Variants in BAZ2B observed in about 807,000 individuals in gnomAD.
The protein encoded by BAZ2B is bromodomain adjacent to zinc finger domain 2B, also known as bromodomain adjacent to zinc finger domain protein 2B.
BAZ2B carries 91 observed loss-of-function variants against 246.0 expected under a neutral mutation model. The ratio of observed to expected loss-of-function variants is 0.37; its 90% CI spans 0.31 to 0.44. The LOEUF (loss-of-function observed/expected upper bound fraction) is 0.44, where lower values mean the gene tolerates loss of function less well. BAZ2B is among the 20% of genes least tolerant of loss of function. The probability of loss-of-function intolerance (pLI) is 1.00; values close to 1 mark genes in which losing one functional copy is unlikely to be tolerated. For synonymous variants in BAZ2B, 855 were observed against 860.0 expected, an observed-to-expected ratio of 0.99 and a Z score of 0.10; for missense variants, 2,332 against 2,533.7, an observed-to-expected ratio of 0.92 and a Z score of 1.71.
chr2:159,414,245 A>G (rs2067274912), intron 13 of BAZ2B, among the ~76,000 whole-genome samples: 1 of 152,180 alleles, frequency 6.6e-6, no homozygotes, highest in East Asian at 1.9e-4. Context: ...TAGAGAGCAG[A>G]ATGATAGTTA....
In BAZ2B at chr2:159,325,757, T is replaced by C. The variant is rs1411391041; in HGVS notation, c.6105A>G (p.Lys2035=). The C allele has an allele frequency of 6.3e-7, 1 of 1,599,808 alleles. No homozygotes were observed. Among genetic ancestry groups the C allele is most frequent in the Admixed American group, 1.8e-5 (1 of 55,904 alleles). ...SLKRGNKDLK[K]RKMEENTSIN... is the part of the protein sequence containing the mutation. ...TAGAAGTGTTTTCCTCCATTTTTCT[T>C]TTCTTGAGGTCTTTGTTTCCTCTTT... Residue 2035 remains lysine, a synonymous_variant, in exon 35 of 37, where the codon AAA becomes AAG. Transcript: ENST00000392783.
chr2:159,694,274 G>A, the BAZ2B span: 3 of 152,080 alleles, frequency 2.0e-5, no homozygotes, highest in African/African-American at 7.2e-5. Context: ...TTTTGACTGT[G>A]GACTTCTAGA....
the BAZ2B span, among the ~76,000 whole-genome samples, chr2:159,711,325 C>T: frequency 6.6e-6 from 1 of 152,200 alleles, no homozygotes; most frequent in African/African-American, 2.4e-5. Context: ...GTTAGATTGG[C>T]ACTTACATGC....
At chr2:159,376,092 G>A (rs1037662948) in intron 25 of BAZ2B, among the ~76,000 whole-genome samples, 4 of 152,060 alleles carry the variant, frequency 2.6e-5, no homozygotes, top group East Asian at 3.9e-4. Context: ...GAAGGTACAC[G>A]GGTTTCTTTG....
intron 20 of BAZ2B, 48 bp from the exon 21 acceptor site, chr2:159,389,533 G>A: frequency 6.9e-7 from 1 of 1,449,636 alleles, no homozygotes; most frequent in East Asian, 2.4e-5. Flanking sequence ...CATTATATAT[G>A]TTGGAATAAA....
the BAZ2B span, among the ~76,000 whole-genome samples, chr2:159,651,273 T>G: frequency 6.6e-6 from 1 of 152,216 alleles, no homozygotes; most frequent in Non-Finnish European, 1.5e-5. Context: ...GCCTTCTGAT[T>G]ATTACAAACC....
intron 14 of BAZ2B, among the ~76,000 whole-genome samples, chr2:159,410,440 G>T (rs2066639795): frequency 6.6e-6 from 1 of 152,170 alleles, no homozygotes; most frequent in Non-Finnish European, 1.5e-5. Context: ...TCTCATGATA[G>T]TAAGTGAGTT....
the BAZ2B span, among the ~76,000 whole-genome samples, chr2:159,709,416 C>T: frequency 6.6e-6 from 1 of 152,238 alleles, no homozygotes; most frequent in African/African-American, 2.4e-5. Context: ...TAGTTAACAT[C>T]ATATTGCATT....
At chr2:159,496,489 A>G (rs1034758639) in intron 2 of BAZ2B, among the ~76,000 whole-genome samples, 1 of 148,082 alleles carries the variant, frequency 6.8e-6, no homozygotes, top group Admixed American at 6.7e-5. Context: ...TCTGCAGGAA[A>G]AAAAAAAAAA....
chr2:159,599,547 G>A (rs1318528157), intron 1 of BAZ2B, among the ~76,000 whole-genome samples: 1 of 152,092 alleles, frequency 6.6e-6, no homozygotes, highest in Non-Finnish European at 1.5e-5. Flanking sequence ...GAACCTGGGA[G>A]GTGGAGGTTG....
At chr2:159,653,681 C>T in the BAZ2B span, among the ~76,000 whole-genome samples, 1 of 152,116 alleles carries the variant, frequency 6.6e-6, no homozygotes, top group African/African-American at 2.4e-5. Flanking sequence ...CTTCTAAAAT[C>T]ATTTAGCTAA....
At chr2:159,687,268 G>C in the BAZ2B span, among the ~76,000 whole-genome samples, 1 of 152,122 alleles carries the variant, frequency 6.6e-6, no homozygotes, top group Admixed American at 6.6e-5. Flanking sequence ...GCTATTCATA[G>C]CAAGCTCCTT....
chr2:159,529,553 T>C (rs1464769829), intron 2 of BAZ2B, among the ~76,000 whole-genome samples: 1 of 152,188 alleles, frequency 6.6e-6, no homozygotes, highest in Non-Finnish European at 1.5e-5. Flanking sequence ...AAAACTGTCA[T>C]CTTATTGGAG....
intron 1 of BAZ2B, among the ~76,000 whole-genome samples, chr2:159,594,585 A>C (rs1041388475): frequency 2.0e-5 from 3 of 152,210 alleles, no homozygotes; most frequent in African/African-American, 7.2e-5. Flanking sequence ...TTACAACATG[A>C]AACAGATAAA....
chr2:159,385,028 T>C (rs1272950739), intron 23 of BAZ2B, 127 bp downstream of exon 23: 8 of 967,452 alleles, frequency 8.3e-6, no homozygotes, highest in Non-Finnish European at 1.2e-5. Flanking sequence ...CTGAGATAAG[T>C]ACAATTTTAA....
intron 2 of BAZ2B, among the ~76,000 whole-genome samples, chr2:159,551,464 C>T (rs1449369621): frequency 1.5e-5 from 1 of 68,912 alleles, no homozygotes; most frequent in Non-Finnish European, 2.5e-5. Flanking sequence ...GAGACTCAGA[C>T]TCAAAAAAAA....
the BAZ2B span, among the ~76,000 whole-genome samples, chr2:159,660,618 T>C: frequency 2.0e-5 from 3 of 152,146 alleles, no homozygotes; most frequent in East Asian, 3.9e-4. Context: ...TCAATATATA[T>C]ATATTTTTTG....
chr2:159,489,535 T>A (rs1456757708), intron 2 of BAZ2B, among the ~76,000 whole-genome samples: 1 of 152,134 alleles, frequency 6.6e-6, no homozygotes, highest in African/African-American at 2.4e-5. Flanking sequence ...TCATTTTTGG[T>A]TAAAGACATA....
intron 27 of BAZ2B, among the ~76,000 whole-genome samples, chr2:159,360,966 A>C (rs2149282284): frequency 6.6e-6 from 1 of 152,350 alleles, no homozygotes; most frequent in East Asian, 1.9e-4. Flanking sequence ...TGGATTGAAG[A>C]CTTAAACGTC....
Sources: gnomAD v4.1 joint callset for allele counts (sites outside exome capture counted in the v4.1 genomes callset) on GRCh38, gnomAD v4.1.1 for gene constraint, MANE v1.5 for transcripts, NCBI Gene and HGNC (gene_info 2026-07-23, HGNC 2026-07-21) for gene names.